The following THEM4 variants were observed in gnomAD, a reference collection of about 807,000 sequenced individuals.
THEM4 encodes acyl-coenzyme A thioesterase THEM4.
A neutral mutation model predicts 25.0 loss-of-function variants in THEM4; 22 were observed. The ratio of observed to expected loss-of-function variants is 0.88; its 90% confidence interval spans 0.63 to 1.26. The LOEUF is 1.26. Among genes scored for constraint, THEM4 ranks in the 50% most tolerant of loss-of-function variants. The pLI is 0.00. For missense variants in THEM4, 286 were observed against 300.3 expected, an observed-to-expected ratio of 0.95 and a Z score of 0.35; for synonymous variants, 113 against 105.6, an observed-to-expected ratio of 1.07 and a Z score of -0.43.
At chr1:151,897,363 TACA>T in intron 1 of THEM4, among the ~76,000 whole-genome samples, 1 of 152,302 alleles carries the variant, frequency 6.6e-6, no homozygotes, top group African/African-American at 2.4e-5. Flanking sequence ...GTGGGAAGAA[TACA>T]GAGAACCTGT....
chr1:151,899,044 C>A (rs1654287426), intron 1 of THEM4, among the ~76,000 whole-genome samples: 1 of 152,182 alleles, frequency 6.6e-6, no homozygotes. Context: ...CGACACCCCC[C>A]AAAAATCACA....
chr1:151,875,468 C>T (rs577857844), intron 5 of THEM4, among the ~76,000 whole-genome samples: 7 of 152,060 alleles, frequency 4.6e-5, no homozygotes, highest in African/African-American at 1.4e-4. Flanking sequence ...AAAGAAGATA[C>T]CTTAAAGCAA....
intron 1 of THEM4, among the ~76,000 whole-genome samples, chr1:151,898,588 T>G (rs1654275993): frequency 6.6e-6 from 1 of 152,232 alleles, no homozygotes; most frequent in Non-Finnish European, 1.5e-5. Context: ...CTGCTACAGC[T>G]GATGCTTTCT....
In THEM4 at chr1:151,889,228, C is replaced by T; in HGVS notation, c.432G>A (p.Leu144=). 1.2e-6 allele frequency: 2 copies of T among 1,612,358 alleles called. No individual in the cohort carries two copies. Among genetic ancestry groups the T allele is most frequent in the Non-Finnish European group, 1.7e-6 (2 of 1,179,726 alleles). The part of the protein sequence containing the change: ...MVCLFQGGPY[L]EGPPGFIHGG... ...ATCATTCTTACCCAGGTGGTCCTTC[C>T]AGGTAAGGGCCTCCTTGAAATAAGC... The change falls in exon 3 of 6, where the codon CTG becomes CTA. Residue 144 remains leucine (L), a synonymous_variant. Transcript: ENST00000368814.
rs1035221695 is a variant in THEM4 at position 151,873,349 on chromosome 1, G to A, written c.*1539C>T. The stretch of plus-strand genomic sequence containing the variant: ...TACTGAGAGAGCTGAGACTGGGGCC[G>A]GTGCGGGTCCTCTGTATGCTGAGCA... On this transcript the variant is annotated 3_prime_UTR_variant, in exon 6 of 6. Coordinates refer to ENST00000368814, the MANE Select transcript of THEM4 (RefSeq NM_053055.5). Among the ~76,000 whole-genome samples the A allele has an allele frequency of 1.2e-4, 19 of 152,138 alleles. No individual in the cohort carries two copies. Among genetic ancestry groups the A allele is most frequent in the African/African-American group, 4.3e-4 (18 of 41,450 alleles).
At chr1:151,909,199 T>C in intron 1 of THEM4, among the ~76,000 whole-genome samples, 161 bp downstream of exon 1, 1 of 152,224 alleles carries the variant, frequency 6.6e-6, no homozygotes, top group East Asian at 1.9e-4. Context: ...CTCAGGACTG[T>C]ATTCCTAGGC....
At chr1:151,881,221 G>A (rs1653805532) in intron 4 of THEM4, among the ~76,000 whole-genome samples, 1 of 152,110 alleles carries the variant, frequency 6.6e-6, no homozygotes, top group Non-Finnish European at 1.5e-5. Context: ...AGGCTGGAGT[G>A]CAGTGGCGCA....
chr1:151,888,375 T>A lies in THEM4; in HGVS notation c.455A>T (p.His152Leu), dbSNP rs764267861. 1.9e-6 allele frequency: 3 copies of A among 1,612,026 alleles called. No homozygotes were observed. Among genetic ancestry groups the A allele is most frequent in the Non-Finnish European group, 2.5e-6 (3 of 1,178,622 alleles). Reference sequence around the variant, plus strand: ...AATCATGGTTGCAATGGCACCTCCATGAATGAATCTAGTTACAACAGGAGT... The same window carrying A: ...AATCATGGTTGCAATGGCACCTCCAAGAATGAATCTAGTTACAACAGGAGT... The part of the protein sequence containing the change: ...PYLEGPPGFI[H>L]GGAIATMIDA... Residue 152 changes from histidine (H) to leucine (L), a missense_variant, in exon 4 of 6, where the codon CAT (histidine) becomes CTT (leucine). Coordinates refer to ENST00000368814, the MANE Select transcript of THEM4 (RefSeq NM_053055.5).
intron 1 of THEM4, among the ~76,000 whole-genome samples, chr1:151,900,459 CAAAT>C (rs1430488339): frequency 6.6e-6 from 1 of 152,030 alleles, no homozygotes; most frequent in Non-Finnish European, 1.5e-5. Flanking sequence ...CATAAGGACT[CAAAT>C]AAACTTAAAG....
Position 151,909,366 on chromosome 1 carries a change from G to C in THEM4, c.93C>G (p.Pro31=), listed in dbSNP as rs371067285. ...CGAGGGTGCCCAGACTCACCAGCTCGGGTCGCGGCTCGCTTCCCGGCAGGC... is the reference window on the plus strand; with the variant it reads ...CGAGGGTGCCCAGACTCACCAGCTCCGGTCGCGGCTCGCTTCCCGGCAGGC... ...GRRLPGSEPR[P]ELRSFSSEEV... Residue 31 remains proline (P), a synonymous_variant, in exon 1 of 6, where the codon CCC becomes CCG. Transcript: ENST00000368814. The C allele has an allele frequency of 1.6e-5, 24 of 1,510,352 alleles. No individual in the cohort carries two copies. Among genetic ancestry groups the C allele is most frequent in the Non-Finnish European group, 1.9e-5 (22 of 1,135,154 alleles). The allele number at this position is 1,510,352 out of a possible 1,614,324, so 93.6% of individuals were successfully genotyped here.
intron 4 of THEM4, among the ~76,000 whole-genome samples, chr1:151,887,480 A>T (rs994908477): frequency 6.6e-6 from 1 of 151,836 alleles, no homozygotes; most frequent in African/African-American, 2.4e-5. Context: ...AATCAAAAAG[A>T]ATAAAATACA....
intron 3 of THEM4, among the ~76,000 whole-genome samples, chr1:151,888,699 G>A (rs1470177634): frequency 1.3e-5 from 2 of 152,148 alleles, no homozygotes; most frequent in Non-Finnish European, 2.9e-5. Context: ...GTGGTGTCAT[G>A]TGCCTGTAGT....
chr1:151,889,944 T>C (rs552644632), intron 2 of THEM4: 1 of 154,904 alleles, frequency 6.5e-6, no homozygotes, highest in Admixed American at 6.4e-5. Context: ...TTCACTCTTA[T>C]TGCCCAGGCT....
intron 1 of THEM4, among the ~76,000 whole-genome samples, chr1:151,907,774 A>G (rs948856614): frequency 8.5e-5 from 13 of 152,100 alleles, no homozygotes; most frequent in African/African-American, 3.1e-4. Flanking sequence ...TCTTTTTACG[A>G]TACTGGAGGT....
In THEM4 at chr1:151,906,145, C is replaced by T. The variant is rs976507804; in HGVS notation, c.99+3215G>A. 2.6e-5 allele frequency among the ~76,000 whole-genome samples: 4 copies of T among 152,230 alleles called. No homozygotes were observed. The East Asian group carries it at 5.8e-4, about 22-fold the overall frequency. On this transcript the variant is annotated intron_variant, in intron 1 of 5. Coordinates refer to ENST00000368814, the MANE Select transcript of THEM4 (RefSeq NM_053055.5). ...GCAGGAAGGTGTGGAGGGAGAGGCG[C>T]GAGCAGGAACCAGGGCTGCGCGGGG...
chr1:151,901,525 C>A (rs1205071856), intron 1 of THEM4, among the ~76,000 whole-genome samples: 1 of 152,154 alleles, frequency 6.6e-6, no homozygotes, highest in African/African-American at 2.4e-5. Context: ...AACTGGAAAT[C>A]AACTCCAAAA....
chr1:151,876,449 A>ATTTT (rs11449752), intron 5 of THEM4, among the ~76,000 whole-genome samples: 2 of 144,024 alleles, frequency 1.4e-5, no homozygotes, highest in Non-Finnish European at 1.5e-5. Context: ...CACTTTGTAA[A>ATTTT]TTTTTTTTTT....
At chr1:151,909,087 G>A (rs1347888221) in intron 1 of THEM4, among the ~76,000 whole-genome samples, 1 of 151,090 alleles carries the variant, frequency 6.6e-6, no homozygotes, top group Non-Finnish European at 1.5e-5. Context: ...AATATAAATA[G>A]ACAGACTAAA....
chr1:151,908,605 A>G lies in THEM4; in HGVS notation c.99+755T>C, dbSNP rs74126716. Among the ~76,000 whole-genome samples, 923 of 152,336 alleles carry G rather than the reference A, an allele frequency of 6.1e-3. 14 individuals are homozygous for G. The highest frequency in any genetic ancestry group is 0.021 in the African/African-American group (863 of 41,558). ...ATAAGGGTGTTAAAAGAATTTTCTT[A>G]AGGAGTGCTCAGCTTAATTAAAAGT... On this transcript the variant is annotated intron_variant, in intron 1 of 5. Transcript: ENST00000368814.
Sources: allele counts gnomAD v4.1 joint callset (sites outside exome capture counted in the v4.1 genomes callset), GRCh38; gene constraint gnomAD v4.1.1; transcripts MANE v1.5; gene names NCBI Gene and HGNC (gene_info 2026-07-23, HGNC 2026-07-21).